The following PARP4 variants were observed in gnomAD, a reference collection of about 807,000 sequenced individuals.
PARP4 encodes poly(ADP-ribose) polymerase family member 4, also known as protein mono-ADP-ribosyltransferase PARP4.
Under a neutral mutation model 187.7 loss-of-function variants are expected in PARP4, and 120 were observed. The ratio of observed to expected loss-of-function variants is 0.64; its 90% CI spans 0.55 to 0.74. PARP4 has a LOEUF of 0.74. PARP4 is among the 30% of genes least tolerant of loss of function. The probability of loss-of-function intolerance (pLI) is 0.00; values close to 1 mark genes in which losing one functional copy is unlikely to be tolerated. For missense variants in PARP4, 1,836 were observed against 2,070.5 expected, an observed-to-expected ratio of 0.89 and a Z score of 2.20; for synonymous variants, 654 against 740.9, an observed-to-expected ratio of 0.88 and a Z score of 1.90.
intron 12 of PARP4, among the ~76,000 whole-genome samples, chr13:24,481,381 C>T (rs1368605603): frequency 1.3e-5 from 2 of 152,204 alleles, no homozygotes; most frequent in Admixed American, 6.5e-5. Context: ...TTTCAGCTTT[C>T]AAGTCTTATT....
Position 24,452,391 on chromosome 13 carries a change from C to G in PARP4, c.3014+15G>C. On this transcript the variant is annotated intron_variant, in intron 24 of 33. Transcript: ENST00000381989. ...CCGTGGGTCTGGACTATGTGACCAG[C>G]TCTCTGAGACTCACCCGATACCGCA... 6.2e-7 allele frequency: 1 copy of G among 1,603,018 alleles called. No individual in the cohort carries two copies.
At chr13:24,488,514 C>G (rs548805668) in intron 10 of PARP4, among the ~76,000 whole-genome samples, 51 of 151,972 alleles carry the variant, frequency 3.4e-4, no homozygotes, top group African/African-American at 1.2e-3. Flanking sequence ...CCACCATGCC[C>G]GGCTAATTTT....
chr13:24,459,394 C>T, intron 18 of PARP4, 84 bp from the exon 19 acceptor site: 1 of 1,263,450 alleles, frequency 7.9e-7, no homozygotes, highest in South Asian at 1.5e-5. Flanking sequence ...CTTGGCAAGG[C>T]CACAACTGTC....
chr13:24,466,348 A>G (rs1431998815), intron 17 of PARP4, among the ~76,000 whole-genome samples: 3 of 152,012 alleles, frequency 2.0e-5, no homozygotes, highest in African/African-American at 7.3e-5. Context: ...CACCCAGCTA[A>G]TTTTTGTATT....
chr13:24,477,952 GA>G, intron 13 of PARP4, 95 bp from the exon 14 acceptor site: 2 of 1,128,574 alleles, frequency 1.8e-6, no homozygotes, highest in Non-Finnish European at 2.5e-6. Context: ...TGCTAATTTA[GA>G]AAATGTTGAA....
intron 33 of PARP4, among the ~76,000 whole-genome samples, chr13:24,423,789 C>T (rs955217591): frequency 1.3e-5 from 2 of 151,826 alleles, no homozygotes; most frequent in East Asian, 2.0e-4. Context: ...GCAATCCCCC[C>T]GACCTCAGCT....
At position 24,435,303 on chromosome 13, in the gene PARP4, C is replaced by A. The variant is rs13428; in HGVS notation, c.3838G>T (p.Gly1280Cys). 28 of 1,612,462 alleles carry A rather than the reference C, an allele frequency of 1.7e-5. No individual in the cohort carries two copies. Among genetic ancestry groups the A allele is most frequent in the Admixed American group, 8.3e-5 (5 of 59,986 alleles). The stretch of plus-strand genomic sequence containing the variant: ...CTTAAATCCAATAGCTTTTCCACAC[C>A]TCCACGTTCCAAATTTGATGTGAAA... ...PAFTSNLERGGVEKLLDLSWT... is the reference protein window; with the variant it reads ...PAFTSNLERGCVEKLLDLSWT... The change falls in exon 31 of 34, where the codon GGT (glycine) becomes TGT (cysteine). Residue 1280 changes from glycine to cysteine, a missense_variant. This residue lies in a region of PARP4 where 450 missense variants were observed against 439.2 expected (regional missense o/e 1.02). Coordinates refer to ENST00000381989, the MANE Select transcript of PARP4 (RefSeq NM_006437.4).
rs754263700 is a variant in PARP4, at chr13:24,431,366, T to C, written c.4846+11A>G. On this transcript the variant is annotated intron_variant, in intron 32 of 33. Transcript: ENST00000381989. ...AATAATGACTTAATAAATGGAAACA[T>C]AGTGCCTTACCTAGAGATTGAATGC... 1.8e-5 allele frequency: 26 copies of C among 1,445,786 alleles called. No homozygotes were observed. Among genetic ancestry groups the C allele is most frequent in the African/African-American group, 1.4e-4 (10 of 69,586 alleles). The allele number at this position is 1,445,786 out of a possible 1,614,324, so 89.6% of individuals were successfully genotyped here.
At position 24,489,042 on chromosome 13, in the gene PARP4, TC is replaced by T. The variant is rs144654196; in HGVS notation, c.1214+1625del. Among the ~76,000 whole-genome samples, 624 of 152,342 alleles carry T rather than the reference TC, an allele frequency of 4.1e-3. 2 individuals carry two copies. The highest frequency in any genetic ancestry group is 0.014 in the African/African-American group (600 of 41,572). On this transcript the variant is annotated intron_variant, in intron 10 of 33. Coordinates refer to ENST00000381989, the MANE Select transcript of PARP4 (RefSeq NM_006437.4). ...ATTTATCACGTTTTGTTTATCCACT[TC>T]CCTGTTGATGAACATTTGGGTTATT...
At chr13:24,447,464 G>A (rs1016224565) in intron 25 of PARP4, among the ~76,000 whole-genome samples, 2 of 152,184 alleles carry the variant, frequency 1.3e-5, no homozygotes, top group Non-Finnish European at 2.9e-5. Context: ...AGGTTCAAGT[G>A]ATTTTCCTGC....
intron 12 of PARP4, among the ~76,000 whole-genome samples, chr13:24,478,511 T>C (rs923234986): frequency 6.6e-5 from 10 of 152,258 alleles, no homozygotes; most frequent in African/African-American, 1.2e-4. Flanking sequence ...TCATAGCTTA[T>C]TGCAGTCTCC....
At chr13:24,486,086 G>GA in intron 11 of PARP4, 82 bp downstream of exon 11, 2 of 1,320,534 alleles carry the variant, frequency 1.5e-6, no homozygotes, top group East Asian at 2.4e-5. Flanking sequence ...ACGTAATATA[G>GA]AAAAAAGTAG....
Position 24,500,342 on chromosome 13 carries a change from C to T in PARP4, c.375G>A (p.Glu125=), listed in dbSNP as rs771267794. The change falls in exon 4 of 34, where the codon GAG becomes GAA. Residue 125 remains glutamate, a synonymous_variant. Transcript: ENST00000381989. The part of the protein sequence containing the change: ...TEGLCPDSAT[E]EEDTVELTEF... ...CAGTGAGTTCCACAGTGTCTTCCTC[C>T]TCTGTGGCACTGTCCGGGCATAGAC... 5.0e-5 allele frequency: 80 copies of T among 1,603,818 alleles called. No homozygotes were observed. Among genetic ancestry groups the T allele is most frequent in the Non-Finnish European group, 6.6e-5 (77 of 1,174,252 alleles).
At chr13:24,457,234 A>G (rs1218896339) in intron 20 of PARP4, among the ~76,000 whole-genome samples, 3 of 152,234 alleles carry the variant, frequency 2.0e-5, no homozygotes. Flanking sequence ...CTTTACAACA[A>G]CAAAGGCAAA....
chr13:24,488,602 C>T (rs1303334615), intron 10 of PARP4, among the ~76,000 whole-genome samples: 4 of 152,190 alleles, frequency 2.6e-5, no homozygotes, highest in African/African-American at 9.7e-5. Context: ...GATCTGCCCA[C>T]CTCGGCCTCC....
rs1358809869 is a variant in PARP4, at chr13:24,493,689, C to G, written c.786G>C (p.Glu262Asp). The stretch of plus-strand genomic sequence containing the variant: ...AAATCATCTCTACTAAATCGCTCAC[C>G]TCTTGGCTCAGAGTGCTTGAATTCA... ...EVMNSSTLSQ[E>D]VSDLVEMIWA... is the part of the protein sequence containing the mutation. Residue 262 changes from glutamate to aspartate, a missense_variant, in exon 8 of 34, where the codon GAG becomes GAC. Physicochemically the swap from Glu to Asp is conservative, Grantham distance 45. Transcript: ENST00000381989. 5 of 1,613,922 alleles carry G rather than the reference C, an allele frequency of 3.1e-6. No individual in the cohort carries two copies. Among genetic ancestry groups the G allele is most frequent in the Non-Finnish European group, 4.2e-6 (5 of 1,179,972 alleles).
At chr13:24,468,264 C>G (rs1039436967) in intron 17 of PARP4, among the ~76,000 whole-genome samples, 7 of 152,184 alleles carry the variant, frequency 4.6e-5, no homozygotes, top group African/African-American at 1.7e-4. Flanking sequence ...GTCCACGTCA[C>G]GTCCCTGCTA....
At chr13:24,442,023 G>A (rs1195520131) in intron 29 of PARP4, 55 bp from the exon 30 acceptor site, 6 of 1,436,666 alleles carry the variant, frequency 4.2e-6, no homozygotes, top group Non-Finnish European at 5.6e-6. Context: ...ATTAAATGAT[G>A]ACTACACATT....
At position 24,492,601 on chromosome 13, in the gene PARP4, A is replaced by G; in HGVS notation, c.880-7T>C. 1 of 1,609,966 alleles carries G rather than the reference A, an allele frequency of 6.2e-7. No individual in the cohort carries two copies. Reference sequence around the variant, plus strand: ...TCCCCTCTGCCTTGCTCACCTTTCAACAGATCATATATGCTTATTACAATG... The same window carrying G: ...TCCCCTCTGCCTTGCTCACCTTTCAGCAGATCATATATGCTTATTACAATG... On this transcript the variant is annotated splice_polypyrimidine_tract_variant and splice_region_variant and intron_variant, in intron 8 of 33. Coordinates refer to ENST00000381989, the MANE Select transcript of PARP4 (RefSeq NM_006437.4).
Sources: allele counts gnomAD v4.1 joint callset (sites outside exome capture counted in the v4.1 genomes callset), GRCh38; gene constraint gnomAD v4.1.1; regional missense constraint gnomAD v4.1.1; transcripts MANE v1.5; gene names NCBI Gene and HGNC (gene_info 2026-07-23, HGNC 2026-07-21).